The following LARGE1 variants were observed in gnomAD, a reference collection of about 807,000 sequenced individuals.
The protein encoded by LARGE1 is LARGE xylosyl- and glucuronyltransferase 1.
LARGE1 carries 43 observed loss-of-function variants against 87.6 expected under a neutral mutation model. That is an observed-to-expected ratio of 0.49 (90% CI 0.38 to 0.63). The LOEUF (loss-of-function observed/expected upper bound fraction) is 0.63, where lower values mean the gene tolerates loss of function less well. Ranked by LOEUF, LARGE1 falls within the 30% of genes least tolerant of loss-of-function variation. The pLI, the probability that LARGE1 is intolerant of heterozygous loss-of-function variation, is 0.00. For synonymous variants in LARGE1, 434 were observed against 394.6 expected, an observed-to-expected ratio of 1.10 and a Z score of -1.18; for missense variants, 802 against 1,000.2, an observed-to-expected ratio of 0.80 and a Z score of 2.67.
At position 33,274,438 on chromosome 22, in the gene LARGE1, T is replaced by G; in HGVS notation, c.2260A>C (p.Asn754His). Reference sequence around the variant, plus strand: ...TGGGCTTCTTGGTGCTAGCTGTTGTTCTCGGCTGTGAGATATTTCAGGGCA... The same window carrying G: ...TGGGCTTCTTGGTGCTAGCTGTTGTGCTCGGCTGTGAGATATTTCAGGGCA... ...FAALKYLTAE[N>H]NS Residue 754 changes from asparagine to histidine, a missense_variant, in exon 15 of 15, where the codon AAC becomes CAC. By Grantham distance (68) the Asn-to-His change is moderately conservative. Coordinates refer to ENST00000397394, the MANE Select transcript of LARGE1 (RefSeq NM_133642.5). 6.2e-7 allele frequency: 1 copy of G among 1,614,224 alleles called. No homozygotes were observed. The highest frequency in any genetic ancestry group is 1.1e-5 in the South Asian group (1 of 91,082).
At chr22:33,287,160 T>G (rs1931702070) in intron 12 of LARGE1, among the ~76,000 whole-genome samples, 1 of 152,230 alleles carries the variant, frequency 6.6e-6, no homozygotes, top group Admixed American at 6.5e-5. Flanking sequence ...AGTCCTAGTT[T>G]GATTCTATAA....
chr22:33,456,938 G>A (rs2068153814), intron 6 of LARGE1, among the ~76,000 whole-genome samples: 1 of 152,140 alleles, frequency 6.6e-6, no homozygotes, highest in South Asian at 2.1e-4. Flanking sequence ...GTAGACAGAA[G>A]GTCCTTTACT....
intron 2 of LARGE1, among the ~76,000 whole-genome samples, chr22:33,687,509 C>T (rs57044396): frequency 1.2e-3 from 185 of 152,082 alleles, no homozygotes; most frequent in African/African-American, 4.2e-3. Flanking sequence ...TAACATATCC[C>T]CAGGGCTGAG....
chr22:33,209,383 G>A (rs1924847912), intron 11 of LARGE1, among the ~76,000 whole-genome samples: 1 of 152,150 alleles, frequency 6.6e-6, no homozygotes, highest in South Asian at 2.1e-4. Flanking sequence ...AGTATATTAT[G>A]AGACTCACAC....
At chr22:33,137,136 G>GAT in the LARGE1 span, 1 of 152,176 alleles carries the variant, frequency 6.6e-6, no homozygotes, top group African/African-American at 2.4e-5. Flanking sequence ...CCCCTGTCCT[G>GAT]ATATAGAAAG....
At chr22:33,396,698 G>A (rs1294018502) in intron 7 of LARGE1, among the ~76,000 whole-genome samples, 1 of 152,066 alleles carries the variant, frequency 6.6e-6, no homozygotes, top group African/African-American at 2.4e-5. Flanking sequence ...GAGGTGTTAT[G>A]GGCAAATAGA....
chr22:33,563,682 C>T (rs1349669524), intron 6 of LARGE1, among the ~76,000 whole-genome samples: 1 of 152,218 alleles, frequency 6.6e-6, no homozygotes, highest in Non-Finnish European at 1.5e-5. Flanking sequence ...AGGACACGTC[C>T]ACACGTTCTA....
intron 6 of LARGE1, among the ~76,000 whole-genome samples, chr22:33,463,876 G>A (rs1374285268): frequency 6.6e-6 from 1 of 152,132 alleles, no homozygotes; most frequent in Non-Finnish European, 1.5e-5. Context: ...GTTTCACCAT[G>A]TTGGCCAGGC....
chr22:33,895,878 G>C (rs535425232), intron 1 of LARGE1, among the ~76,000 whole-genome samples: 1 of 152,206 alleles, frequency 6.6e-6, no homozygotes, highest in Non-Finnish European at 1.5e-5. Flanking sequence ...GATCATGAGG[G>C]CCAACTTAGA....
chr22:33,499,125 C>T (rs1227400869), intron 6 of LARGE1, among the ~76,000 whole-genome samples: 1 of 152,188 alleles, frequency 6.6e-6, no homozygotes, highest in Non-Finnish European at 1.5e-5. Context: ...GCAGTTTACC[C>T]ACTACCTTCC....
intron 6 of LARGE1, among the ~76,000 whole-genome samples, chr22:33,454,353 C>T (rs1380384046): frequency 6.6e-6 from 1 of 152,088 alleles, no homozygotes; most frequent in Non-Finnish European, 1.5e-5. Context: ...GGCACAGTGG[C>T]TCACACCTGT....
chr22:33,129,754 T>C, the LARGE1 span, among the ~76,000 whole-genome samples: 2 of 152,028 alleles, frequency 1.3e-5, no homozygotes, highest in African/African-American at 4.8e-5. Flanking sequence ...GCAGGATGGA[T>C]TGAGTGCAGG....
intron 2 of LARGE1, among the ~76,000 whole-genome samples, chr22:33,704,333 G>C (rs962816934): frequency 6.6e-6 from 1 of 152,226 alleles, no homozygotes; most frequent in Non-Finnish European, 1.5e-5. Context: ...GGAAATTGGG[G>C]ATTTCTCCCC....
In LARGE1 at chr22:33,748,293, G is replaced by A. The variant is rs1258353180; in HGVS notation, c.106+13078C>T. On this transcript the variant is annotated intron_variant, in intron 2 of 14. Transcript: ENST00000397394. The stretch of plus-strand genomic sequence containing the variant: ...ATTACAGGTGCCCGCCATCACGCCT[G>A]CCTAATTTTTTGTATTTTAGTAGAG... Among the ~76,000 whole-genome samples, 7 of 151,966 alleles carry A rather than the reference G, an allele frequency of 4.6e-5. No homozygotes were observed. The South Asian group carries it at 8.3e-4, about 18-fold the overall frequency.
chr22:33,730,999 ATTTTT>A (rs376692050), intron 2 of LARGE1, among the ~76,000 whole-genome samples: 27,610 of 115,736 alleles, frequency 0.24, 5,273 homozygotes, highest in African/African-American at 0.55. Flanking sequence ...CCAGCCTGCA[ATTTTT>A]TTTTTTTTTT....
At chr22:33,428,468 C>G (rs992543280) in intron 7 of LARGE1, among the ~76,000 whole-genome samples, 1 of 151,482 alleles carries the variant, frequency 6.6e-6, no homozygotes, top group African/African-American at 2.4e-5. Flanking sequence ...CACACACCAC[C>G]ATGCCCAGCT....
chr22:33,591,043 A>G (rs2078822686), intron 5 of LARGE1, among the ~76,000 whole-genome samples: 1 of 152,204 alleles, frequency 6.6e-6, no homozygotes. Context: ...TCTACTAAAA[A>G]TACAGAAATT....
At chr22:33,508,246 C>G (rs1353119388) in intron 6 of LARGE1, among the ~76,000 whole-genome samples, 1 of 152,186 alleles carries the variant, frequency 6.6e-6, no homozygotes, top group East Asian at 1.9e-4. Flanking sequence ...TCTGAAGACT[C>G]TACTGGTGGG....
intron 11 of LARGE1, among the ~76,000 whole-genome samples, chr22:33,193,989 C>CAT (rs980137833): frequency 6.8e-6 from 1 of 146,428 alleles, no homozygotes; most frequent in East Asian, 2.0e-4. Context: ...TATAATTTTA[C>CAT]ATATATATAA....
Sources: gnomAD v4.1 joint callset for allele counts (sites outside exome capture counted in the v4.1 genomes callset) on GRCh38, gnomAD v4.1.1 for gene constraint, MANE v1.5 for transcripts, NCBI Gene and HGNC (gene_info 2026-07-23, HGNC 2026-07-21) for gene names.